Variants in PIK3CG observed in about 807,000 individuals in gnomAD.
The protein encoded by PIK3CG is phosphatidylinositol 4,5-bisphosphate 3-kinase catalytic subunit gamma isoform.
A neutral mutation model predicts 102.3 loss-of-function variants in PIK3CG; 55 were observed. The observed-to-expected ratio is 0.54, with a 90% CI of 0.43 to 0.67. The LOEUF is 0.67. Among genes scored for constraint, PIK3CG ranks in the 30% least tolerant of loss-of-function variants. The pLI is 0.00. For missense variants in PIK3CG, 1,258 were observed against 1,391.8 expected, an observed-to-expected ratio of 0.90 and a Z score of 1.53; for synonymous variants, 552 against 540.0, an observed-to-expected ratio of 1.02 and a Z score of -0.31.
rs1454104559 is a variant in PIK3CG, at chr7:106,899,566, AC to A, written c.3031-5542del. Among the ~76,000 whole-genome samples, 2 of 152,120 alleles carry A rather than the reference AC, an allele frequency of 1.3e-5. No homozygotes were observed. The highest frequency in any genetic ancestry group is 2.9e-5 in the Non-Finnish European group (2 of 67,990). On this transcript the variant is annotated intron_variant, in intron 10 of 10. Coordinates refer to ENST00000496166, the MANE Select transcript of PIK3CG (RefSeq NM_001282426.2). This position sits in a 1 kb window ranked among gnomAD's most constrained non-coding sequence, Gnocchi z 4.6. ...ATACCTAGTTTATTGAGAGTTTTTA[AC>A]ATGAAAGGGTGTTGAATTTTATCGA...
At chr7:106,875,851 G>A (rs78011512) in intron 5 of PIK3CG, among the ~76,000 whole-genome samples, 12,950 of 150,638 alleles carry the variant, frequency 0.086, 764 homozygotes, top group South Asian at 0.23. Flanking sequence ...CAATGTATAC[G>A]ATGAGTTCTA....
chr7:106,891,846 T>C lies in PIK3CG; in HGVS notation c.3030+5554T>C, dbSNP rs925761766. Among the ~76,000 whole-genome samples, 1 of 151,912 alleles carries C rather than the reference T, an allele frequency of 6.6e-6. No individual in the cohort carries two copies. Among genetic ancestry groups the C allele is most frequent in the Admixed American group, 6.6e-5 (1 of 15,242 alleles). On this transcript the variant is annotated intron_variant, in intron 10 of 10. Coordinates refer to ENST00000496166, the MANE Select transcript of PIK3CG (RefSeq NM_001282426.2). This position sits in a 1 kb window ranked among gnomAD's most constrained non-coding sequence, Gnocchi z 4.4. The stretch of plus-strand genomic sequence containing the variant: ...GCCAGTTTTATCAGGCCCACCCTGT[T>C]TCCAGTTCCGCAGTCTTATCCCCAT...
rs1271625628 is a variant in PIK3CG, at chr7:106,879,634, A to G, written c.2507A>G (p.Asp836Gly). Reference sequence around the variant, plus strand: ...ATTGGAATTATCTTTAAACATGGTGATGATCTGCGCCAAGACATGCTTATT... The same window carrying G: ...ATTGGAATTATCTTTAAACATGGTGGTGATCTGCGCCAAGACATGCTTATT... The part of the protein sequence containing the change: ...ETIGIIFKHG[D>G]DLRQDMLILQ... The change falls in exon 6 of 11, where the codon GAT becomes GGT. Residue 836 changes from aspartate (D) to glycine (G), a missense_variant. Transcript: ENST00000496166. This position sits in a 1 kb window ranked among gnomAD's most constrained non-coding sequence, Gnocchi z 4.9. 6.2e-7 allele frequency: 1 copy of G among 1,613,102 alleles called. No homozygotes were observed. The highest frequency in any genetic ancestry group is 8.5e-7 in the Non-Finnish European group (1 of 1,179,196).
At chr7:106,904,248 C>G (rs1791633290) in intron 10 of PIK3CG, among the ~76,000 whole-genome samples, 1 of 151,858 alleles carries the variant, frequency 6.6e-6, no homozygotes, top group Non-Finnish European at 1.5e-5. Context: ...TAGAATAAAC[C>G]TTATTTGGCT....
In PIK3CG at chr7:106,883,205, T is replaced by G. The variant is rs2116546880; in HGVS notation, c.2760+42T>G. 1 of 1,608,962 alleles carries G rather than the reference T, an allele frequency of 6.2e-7. No individual in the cohort carries two copies. On this transcript the variant is annotated intron_variant, in intron 8 of 10. Transcript: ENST00000496166. The surrounding 1 kb of genome is among the most constrained non-coding windows in gnomAD (Gnocchi z 5.8). The stretch of plus-strand genomic sequence containing the variant: ...TCCCAGTCTAATGGCTCCTTACAAG[T>G]TGTCATTTATATAGCAGTAGTGGCT...
chr7:106,898,785 A>G (rs918675058), intron 10 of PIK3CG, among the ~76,000 whole-genome samples: 21 of 152,090 alleles, frequency 1.4e-4, no homozygotes, highest in African/African-American at 5.1e-4. Context: ...GCCTTGTAAT[A>G]TAGTTTAAAG....
Position 106,868,055 on chromosome 7 carries a change from T to C in PIK3CG, c.494T>C (p.Val165Ala), listed in dbSNP as rs755959035. 14 of 1,612,794 alleles carry C rather than the reference T, an allele frequency of 8.7e-6. 1 individual carries two copies. The South Asian group carries it at 1.3e-4, about 15-fold the overall frequency. ...CTGATTGGCTATGACGTCACTGACG[T>C]CAGCAACGTGCACGACGATGAGCTG... ...TALIGYDVTDVSNVHDDELEF... is the reference protein window; with the variant it reads ...TALIGYDVTDASNVHDDELEF... The change falls in exon 2 of 11, where the codon GTC (valine) becomes GCC (alanine). Residue 165 changes from valine to alanine, a missense_variant. This residue lies in a region of PIK3CG where 832 missense variants were observed against 787.5 expected (regional missense o/e 1.06). Transcript: ENST00000496166. This position sits in a 1 kb window ranked among gnomAD's most constrained non-coding sequence, Gnocchi z 6.2.
rs895302693 is a variant in PIK3CG at position 106,908,978 on chromosome 7, G to A, written c.*3591G>A. ...TAAATTTGGTTCTAGTTTGGTGCTTGTCTGCATAGTCTCAAAGATTCATTT... is the reference window on the plus strand; with the variant it reads ...TAAATTTGGTTCTAGTTTGGTGCTTATCTGCATAGTCTCAAAGATTCATTT... On this transcript the variant is annotated 3_prime_UTR_variant, in exon 11 of 11. Coordinates refer to ENST00000496166, the MANE Select transcript of PIK3CG (RefSeq NM_001282426.2). The surrounding 1 kb of genome is among the most constrained non-coding windows in gnomAD (Gnocchi z 4.1). Among the ~76,000 whole-genome samples, 4 of 152,078 alleles carry A rather than the reference G, an allele frequency of 2.6e-5. No homozygotes were observed. Among genetic ancestry groups the A allele is most frequent in the Admixed American group, 1.3e-4 (2 of 15,264 alleles).
rs1335642291 is a variant in PIK3CG at position 106,867,803 on chromosome 7, C to A, written c.242C>A (p.Thr81Asn). The A allele has an allele frequency of 6.2e-7, 1 of 1,612,614 alleles. No homozygotes were observed. Among genetic ancestry groups the A allele is most frequent in the Admixed American group, 1.7e-5 (1 of 60,020 alleles). Residue 81 changes from threonine (T) to asparagine (N), a missense_variant, in exon 2 of 11, where the codon ACC becomes AAC. By Grantham distance (65) the Thr-to-Asn change is moderately conservative. Transcript: ENST00000496166. The surrounding 1 kb of genome is among the most constrained non-coding windows in gnomAD (Gnocchi z 5.1). The stretch of plus-strand genomic sequence containing the variant: ...CAGGTGTGGCTGCGAGCGCTGGAGA[C>A]CAGCGTGGCGGCGGACTTCTACCAC... ...KAQVWLRALE[T>N]SVAADFYHRL... is the part of the protein sequence containing the mutation.
In PIK3CG at chr7:106,868,254, GA is replaced by G; in HGVS notation, c.694del (p.Thr232ProfsTer27). ...TCATTCACCGCAGCACCACCAGCCA[GA>G]CCATTAAGGTCTCACCCGACGACAC... Reference protein sequence around the residue: ...IVIHRSTTSQTIKVSPDDTPG... With the variant: ...IVIHRSTTSQXIKVSPDDTPG... On this transcript the variant is annotated frameshift_variant, in exon 2 of 11. Transcript: ENST00000496166. LOFTEE classifies it high-confidence loss of function. The surrounding 1 kb of genome is among the most constrained non-coding windows in gnomAD (Gnocchi z 6.2). 1 of 1,613,576 alleles carries G rather than the reference GA, an allele frequency of 6.2e-7. No homozygotes were observed. The highest frequency in any genetic ancestry group is 1.1e-5 in the South Asian group (1 of 91,090).
In PIK3CG at chr7:106,882,152, A is replaced by G. The variant is rs959116656; in HGVS notation, c.2574A>G (p.Glu858=). The G allele has an allele frequency of 6.4e-7, 1 of 1,572,194 alleles. No homozygotes were observed. The highest frequency in any genetic ancestry group is 1.4e-5 in the African/African-American group (1 of 73,116). Residue 858 remains glutamate, a synonymous_variant, in exon 7 of 11, where the codon GAA becomes GAG. Transcript: ENST00000496166. Reference sequence around the variant, plus strand: ...TCATGGAGTCTATTTGGGAGACTGAATCTTTGGATCTATGCCTCCTGCCAT... The same window carrying G: ...TCATGGAGTCTATTTGGGAGACTGAGTCTTTGGATCTATGCCTCCTGCCAT... ...LRIMESIWET[E]SLDLCLLPYG...
intron 4 of PIK3CG, among the ~76,000 whole-genome samples, chr7:106,873,712 T>G (rs924354640): frequency 6.6e-6 from 1 of 150,952 alleles, no homozygotes; most frequent in African/African-American, 2.4e-5. Context: ...GAGACGACTC[T>G]GTATCTGTGT....
At chr7:106,888,971 G>A (rs1036706106) in intron 10 of PIK3CG, among the ~76,000 whole-genome samples, 5 of 152,184 alleles carry the variant, frequency 3.3e-5, no homozygotes, top group Non-Finnish European at 7.3e-5. Flanking sequence ...AGAATGCTTA[G>A]CCCAGTGCCT....
chr7:106,873,874 A>G (rs1478214396), intron 4 of PIK3CG, among the ~76,000 whole-genome samples: 1 of 152,102 alleles, frequency 6.6e-6, no homozygotes, highest in East Asian at 1.9e-4. Flanking sequence ...GTAGATTTTG[A>G]TTGATACTAC....
In PIK3CG at chr7:106,884,472, C is replaced by G. The variant is rs1791027958; in HGVS notation, c.2872+206C>G. Reference sequence around the variant, plus strand: ...CTCTGTACCCATTAAACACTAACTCCCCATGCCTCCCTCCTTTCAGAACGG... The same window carrying G: ...CTCTGTACCCATTAAACACTAACTCGCCATGCCTCCCTCCTTTCAGAACGG... On this transcript the variant is annotated intron_variant, in intron 9 of 10. Coordinates refer to ENST00000496166, the MANE Select transcript of PIK3CG (RefSeq NM_001282426.2). The surrounding 1 kb of genome is among the most constrained non-coding windows in gnomAD (Gnocchi z 4.2). Among the ~76,000 whole-genome samples the G allele has an allele frequency of 1.3e-5, 2 of 152,170 alleles. No homozygotes were observed. Among genetic ancestry groups the G allele is most frequent in the Admixed American group, 6.5e-5 (1 of 15,278 alleles).
In PIK3CG at chr7:106,875,481, T is replaced by C. The variant is rs552847693; in HGVS notation, c.2391+678T>C. Among the ~76,000 whole-genome samples, 215 of 152,294 alleles carry C rather than the reference T, an allele frequency of 1.4e-3. 1 individual carries two copies. Among genetic ancestry groups the C allele is most frequent in the African/African-American group, 4.9e-3 (204 of 41,570 alleles). ...ATGTTACAGAAAAAGTTCTGTCATG[T>C]CCCATTGCAGTTAGTCCTTTTTCTC... On this transcript the variant is annotated intron_variant, in intron 5 of 10. Coordinates refer to ENST00000496166, the MANE Select transcript of PIK3CG (RefSeq NM_001282426.2).
intron 10 of PIK3CG, among the ~76,000 whole-genome samples, chr7:106,896,857 A>G (rs1346837795): frequency 6.6e-6 from 1 of 152,146 alleles, no homozygotes; most frequent in Non-Finnish European, 1.5e-5. Context: ...GATGATGTGT[A>G]CCCTGCCCAG....
rs1562952548 is a variant in PIK3CG at position 106,867,275 on chromosome 7, G to A, written c.-12-275G>A. On this transcript the variant is annotated intron_variant, in intron 1 of 10. Transcript: ENST00000496166. This position sits in a 1 kb window ranked among gnomAD's most constrained non-coding sequence, Gnocchi z 5.1. ...TACTTTATTTAACTCTCCCTCTGGG[G>A]CATTCATTACTAACCAGTTTGAGAG... Among the ~76,000 whole-genome samples the A allele has an allele frequency of 6.6e-6, 1 of 152,084 alleles. No individual in the cohort carries two copies. The highest frequency in any genetic ancestry group is 1.5e-5 in the Non-Finnish European group (1 of 68,014).
chr7:106,877,306 A>G lies in PIK3CG; in HGVS notation c.2392-2213A>G, dbSNP rs1297946063. ...TCTGAAGACATTGTTGATGGTTATA[A>G]CTGGGAGAATGCTATTGGCATCTAG... On this transcript the variant is annotated intron_variant, in intron 5 of 10. Coordinates refer to ENST00000496166, the MANE Select transcript of PIK3CG (RefSeq NM_001282426.2). This position sits in a 1 kb window ranked among gnomAD's most constrained non-coding sequence, Gnocchi z 4.5. Among the ~76,000 whole-genome samples the G allele has an allele frequency of 1.3e-5, 2 of 152,176 alleles. No homozygotes were observed. The highest frequency in any genetic ancestry group is 4.8e-5 in the African/African-American group (2 of 41,426).
Sources: gnomAD v4.1 joint callset for allele counts (sites outside exome capture counted in the v4.1 genomes callset) on GRCh38, gnomAD v4.1.1 for gene constraint, gnomAD v4.1.1 regional missense constraint, Gnocchi (gnomAD v3.1) non-coding constraint, MANE v1.5 for transcripts, NCBI Gene and HGNC (gene_info 2026-07-23, HGNC 2026-07-21) for gene names.